Variants in CSMD2 observed in about 807,000 individuals in gnomAD.
CSMD2 encodes CUB and Sushi multiple domains 2.
CSMD2 carries 130 observed loss-of-function variants against 398.5 expected under a neutral mutation model. That is an observed-to-expected ratio of 0.33 (90% CI 0.28 to 0.38). The LOEUF (loss-of-function observed/expected upper bound fraction) is 0.38. Among genes scored for constraint, CSMD2 ranks in the 10% least tolerant of loss-of-function variants. CSMD2 has a pLI of 1.00. For synonymous variants in CSMD2, 1,828 were observed against 1,908.5 expected (o/e 0.96, Z 1.10); for missense variants, 3,829 against 4,764.9 (o/e 0.80, Z 5.78).
At chr1:33,671,202 TG>T (rs1381468633) in intron 25 of CSMD2, among the ~76,000 whole-genome samples, 3 of 152,148 alleles carry the variant, frequency 2.0e-5, no homozygotes, top group African/African-American at 7.2e-5. Flanking sequence ...ATTCTCCTAG[TG>T]AGAGCAGTTT....
At position 33,646,700 on chromosome 1, in the gene CSMD2, G is replaced by A. The variant is rs767074880; in HGVS notation, c.4722C>T (p.Ala1574=). The change falls in exon 29 of 71, where the codon GCC becomes GCT. Residue 1574 remains alanine (A), a synonymous_variant. Transcript: ENST00000373381. ...TGCTCACAGATGCATCGCTGCGGAA[G>A]GCGAGGAAGAGGCTGTTGCTGCTGC... is the stretch of plus-strand genomic sequence containing the variant. The part of the protein sequence containing the change: ...IESSSNSLFL[A]FRSDASVSNA... 1.7e-5 allele frequency: 28 copies of A among 1,614,210 alleles called. No individual in the cohort carries two copies. The highest frequency in any genetic ancestry group is 2.7e-5 in the African/African-American group (2 of 75,052).
At chr1:33,631,349 T>A (rs1571012204) in intron 32 of CSMD2, among the ~76,000 whole-genome samples, 2 of 151,928 alleles carry the variant, frequency 1.3e-5, no homozygotes, top group African/African-American at 4.8e-5. Flanking sequence ...TATACCTGAA[T>A]AGACCAATAA....
At chr1:33,570,806 G>C (rs1335759605) in intron 51 of CSMD2, among the ~76,000 whole-genome samples, 1 of 152,140 alleles carries the variant, frequency 6.6e-6, no homozygotes, top group Admixed American at 6.5e-5. Flanking sequence ...CAGTATAACA[G>C]TTCCCTTGCT....
At chr1:33,535,240 A>C (rs921346292) in intron 62 of CSMD2, among the ~76,000 whole-genome samples, 8 of 152,180 alleles carry the variant, frequency 5.3e-5, no homozygotes, top group Non-Finnish European at 4.4e-5. Context: ...AGAGCTATGG[A>C]CATGGTTGTA....
chr1:33,804,845 T>G (rs1260833657), intron 10 of CSMD2: 1 of 717,450 alleles, frequency 1.4e-6, no homozygotes, highest in Admixed American at 2.0e-5. Context: ...GACTTTGAGT[T>G]TCCACACTTA....
intron 1 of CSMD2, among the ~76,000 whole-genome samples, chr1:34,098,996 G>C (rs1419129479): frequency 6.6e-6 from 1 of 152,096 alleles, no homozygotes; most frequent in Non-Finnish European, 1.5e-5. Flanking sequence ...TAATACTTAG[G>C]GGGAAAAGTA....
chr1:33,595,961 A>T (rs1639810175), intron 44 of CSMD2, among the ~76,000 whole-genome samples: 1 of 152,192 alleles, frequency 6.6e-6, no homozygotes, highest in Non-Finnish European at 1.5e-5. Context: ...CCCCACTCAC[A>T]CACTATTTTC....
rs1659962986 is a variant in CSMD2, at chr1:33,575,233, G to A, written c.7576+2063C>T. On this transcript the variant is annotated intron_variant, in intron 49 of 70. Coordinates refer to ENST00000373381, the MANE Select transcript of CSMD2 (RefSeq NM_001281956.2). ...TGAGAGAGTGGGCTGGGGAAGGAGAGAGAAGGCATTAGGAGGCATAGAGTC... is the reference window on the plus strand; with the variant it reads ...TGAGAGAGTGGGCTGGGGAAGGAGAAAGAAGGCATTAGGAGGCATAGAGTC... Among the ~76,000 whole-genome samples the A allele has an allele frequency of 2.6e-5, 4 of 151,234 alleles. No homozygotes were observed. In the South Asian group the frequency reaches 8.3e-4, roughly 31 times the overall value.
At chr1:33,897,783 T>C (rs190525163) in intron 5 of CSMD2, among the ~76,000 whole-genome samples, 2 of 152,320 alleles carry the variant, frequency 1.3e-5, no homozygotes, top group Admixed American at 1.3e-4. Context: ...AAATACAAAA[T>C]GAGTTGATTC....
At chr1:34,161,380 T>C (rs1401599013) in intron 1 of CSMD2, among the ~76,000 whole-genome samples, 1 of 152,038 alleles carries the variant, frequency 6.6e-6, no homozygotes, top group Non-Finnish European at 1.5e-5. Flanking sequence ...AGTGAAAGGG[T>C]TGGGCAAGGA....
At chr1:33,621,906 G>A (rs1251103425) in intron 37 of CSMD2, among the ~76,000 whole-genome samples, 1 of 152,194 alleles carries the variant, frequency 6.6e-6, no homozygotes, top group Non-Finnish European at 1.5e-5. Flanking sequence ...TGGGACCTTG[G>A]CCAATGCAAG....
At chr1:34,013,341 C>A (rs543327474) in intron 3 of CSMD2, among the ~76,000 whole-genome samples, 1 of 152,200 alleles carries the variant, frequency 6.6e-6, no homozygotes, top group Non-Finnish European at 1.5e-5. Context: ...TGCACACACA[C>A]GACCTGCCTC....
At chr1:33,801,493 T>A (rs2124923681) in intron 10 of CSMD2, among the ~76,000 whole-genome samples, 1 of 152,234 alleles carries the variant, frequency 6.6e-6, no homozygotes, top group South Asian at 2.1e-4. Context: ...GGCAGAACCA[T>A]CCCAGAGGAG....
intron 2 of CSMD2, among the ~76,000 whole-genome samples, chr1:34,075,158 A>G (rs1483979625): frequency 1.3e-5 from 2 of 152,246 alleles, no homozygotes; most frequent in Admixed American, 1.3e-4. Context: ...TGGCTGGAAC[A>G]TAATAGCCGT....
At chr1:34,165,255 G>C, upstream of CSMD2, 1 of 1,184,714 alleles carries the variant, frequency 8.4e-7, no homozygotes, top group East Asian at 3.7e-5. Context: ...CCCGGCCGGG[G>C]AGAGGCGCGC....
intron 3 of CSMD2, among the ~76,000 whole-genome samples, chr1:33,960,487 T>C (rs1013375438): frequency 6.6e-6 from 1 of 152,266 alleles, no homozygotes; most frequent in African/African-American, 2.4e-5. Flanking sequence ...TGTGGAGCAG[T>C]CTGGGCCAGC....
intron 2 of CSMD2, among the ~76,000 whole-genome samples, chr1:34,083,720 C>T (rs544295370): frequency 2.6e-4 from 40 of 152,192 alleles, no homozygotes; most frequent in Non-Finnish European, 5.4e-4. Flanking sequence ...AGTTTGAGAC[C>T]GGCCTGGGCA....
Position 33,616,936 on chromosome 1 carries a change from G to A in CSMD2, c.5986C>T (p.Arg1996Ter), listed in dbSNP as rs769809972. The A allele has an allele frequency of 2.5e-6, 4 of 1,613,986 alleles. No individual in the cohort carries two copies. The highest frequency in any genetic ancestry group is 1.1e-5 in the South Asian group (1 of 91,074). ...HISCMPGTVR[R>*]WNYPPPLCIA... ...CAGAGTGGAGGAGGGTAGTTCCATC[G>A]CCGCACTGTTCCGGGCATGCAGGAG... is the stretch of plus-strand genomic sequence containing the variant. Residue 1996 changes from arginine to a stop codon, truncating the protein, a stop_gained, in exon 39 of 71, where the codon CGA becomes TGA. Coordinates refer to ENST00000373381, the MANE Select transcript of CSMD2 (RefSeq NM_001281956.2). LOFTEE classifies it high-confidence loss of function.
At chr1:33,939,250 C>A (rs75032267) in intron 3 of CSMD2, among the ~76,000 whole-genome samples, 3,503 of 151,066 alleles carry the variant, frequency 0.023, 87 homozygotes, top group African/African-American at 0.062. Context: ...GCTTATTTAG[C>A]ATCTTCTATG....
Sources: allele counts gnomAD v4.1 joint callset (sites outside exome capture counted in the v4.1 genomes callset), GRCh38; gene constraint gnomAD v4.1.1; transcripts MANE v1.5; gene names NCBI Gene and HGNC (gene_info 2026-07-23, HGNC 2026-07-21).